Variants in SERPINF1 observed in about 807,000 individuals in gnomAD.
SERPINF1 encodes pigment epithelium-derived factor.
In SERPINF1, 29 loss-of-function variants were observed where a neutral mutation model predicts 37.3. The observed-to-expected ratio is 0.78, with a 90% CI of 0.58 to 1.06. SERPINF1 has a LOEUF of 1.06. Ranked by LOEUF, SERPINF1 falls within the 50% of genes least tolerant of loss-of-function variation. SERPINF1 has a pLI of 0.00. For missense variants in SERPINF1, 553 were observed against 532.2 expected, an observed-to-expected ratio of 1.04 and a Z score of -0.38; for synonymous variants, 281 against 227.9, an observed-to-expected ratio of 1.23 and a Z score of -2.10.
rs752352167 is a variant in SERPINF1 at position 1,771,136 on chromosome 17, G to A, written c.391G>A (p.Ala131Thr). The stretch of plus-strand genomic sequence containing the variant: ...TAAGGAGCTCCTTGACACGGTCACT[G>A]CCCCCCAGAAGAACCTCAAGAGTGC... ...TYKELLDTVT[A>T]PQKNLKSASR... The change falls in exon 4 of 8, where the codon GCC (alanine) becomes ACC (threonine). Residue 131 changes from alanine (A) to threonine (T), a missense_variant. Coordinates refer to ENST00000254722, the MANE Select transcript of SERPINF1 (RefSeq NM_002615.7). 12 of 1,613,886 alleles carry A rather than the reference G, an allele frequency of 7.4e-6. No homozygotes were observed. Among genetic ancestry groups the A allele is most frequent in the Admixed American group, 5.0e-5 (3 of 59,980 alleles).
chr17:1,775,005 C>T, intron 5 of SERPINF1, 53 bp from the exon 6 acceptor site: 1 of 1,612,478 alleles, frequency 6.2e-7, no homozygotes, highest in Non-Finnish European at 8.5e-7. Context: ...AGCATGGCGC[C>T]ACTGTCTTTC....
chr17:1,772,386 GAT>G (rs1383784313), intron 5 of SERPINF1, among the ~76,000 whole-genome samples: 2 of 152,000 alleles, frequency 1.3e-5, no homozygotes, highest in Non-Finnish European at 2.9e-5. Flanking sequence ...AAAGTGCTAG[GAT>G]TACAAGCTTG....
chr17:1,774,980 G>C, intron 5 of SERPINF1, 78 bp from the exon 6 acceptor site: 1 of 1,592,858 alleles, frequency 6.3e-7, no homozygotes, highest in South Asian at 1.1e-5. Context: ...TTTCAACAAC[G>C]TGCTCTGGGG....
intron 2 of SERPINF1, among the ~76,000 whole-genome samples, chr17:1,768,435 A>AAAT (rs1907521730): frequency 6.6e-6 from 1 of 151,030 alleles, no homozygotes; most frequent in African/African-American, 2.4e-5. Context: ...CGTCTCAAAA[A>AAAT]AAAAAAAAAA....
rs1908048581 is a variant in SERPINF1 at position 1,776,645 on chromosome 17, C to T, written c.900C>T (p.Asp300=). ...EESLTSEFIH[D]IDRELKTVQA... Reference sequence around the variant, plus strand: ...GCCTCACCTCCGAGTTCATTCATGACATAGACCGAGAACTGAAGACCGTGC... The same window carrying T: ...GCCTCACCTCCGAGTTCATTCATGATATAGACCGAGAACTGAAGACCGTGC... The change falls in exon 7 of 8, where the codon GAC becomes GAT. Residue 300 remains aspartate (D), a synonymous_variant. Coordinates refer to ENST00000254722, the MANE Select transcript of SERPINF1 (RefSeq NM_002615.7). The T allele has an allele frequency of 1.2e-6, 2 of 1,614,030 alleles. No homozygotes were observed. Among genetic ancestry groups the T allele is most frequent in the Non-Finnish European group, 1.7e-6 (2 of 1,180,012 alleles).
At position 1,772,002 on chromosome 17, in the gene SERPINF1, G is replaced by A; in HGVS notation, c.570G>A (p.Gly190=). ...INNWVQAQMK[G]KLARSTKEIP... ...ACTGGGTGCAGGCGCAGATGAAAGG[G>A]AAGCTCGCCAGGTCCACAAAGGAAA... Residue 190 remains glycine, a synonymous_variant, in exon 5 of 8, where the codon GGG becomes GGA. Transcript: ENST00000254722. 6.2e-7 allele frequency: 1 copy of A among 1,613,938 alleles called. No homozygotes were observed. Among genetic ancestry groups the A allele is most frequent in the East Asian group, 2.2e-5 (1 of 44,852 alleles).
chr17:1,777,090 C>A, intron 7 of SERPINF1, 97 bp from the exon 8 acceptor site: 1 of 1,589,718 alleles, frequency 6.3e-7, no homozygotes, highest in Non-Finnish European at 8.6e-7. Flanking sequence ...AGAAAGTCAA[C>A]AGTGCTGCGC....
intron 1 of SERPINF1, among the ~76,000 whole-genome samples, chr17:1,764,688 G>A (rs1158740577): frequency 6.6e-6 from 1 of 152,158 alleles, no homozygotes; most frequent in African/African-American, 2.4e-5. Context: ...ATCACACAAC[G>A]TCCTCCCAAA....
intron 5 of SERPINF1, 97 bp from the exon 6 acceptor site, chr17:1,774,961 T>A: frequency 6.6e-7 from 1 of 1,508,748 alleles, no homozygotes; most frequent in Non-Finnish European, 9.2e-7. Context: ...CTCCCTTGAG[T>A]GGGGCAATTT....
At position 1,772,825 on chromosome 17, in the gene SERPINF1, C is replaced by T. The variant is rs183372566; in HGVS notation, c.643+750C>T. Among the ~76,000 whole-genome samples the T allele has an allele frequency of 1.2e-4, 18 of 151,992 alleles. No individual in the cohort carries two copies. In the East Asian group the frequency reaches 2.5e-3, roughly 21 times the overall value. On this transcript the variant is annotated intron_variant, in intron 5 of 7. Transcript: ENST00000254722. The stretch of plus-strand genomic sequence containing the variant: ...CCTCCCAAAGTGCTGGGATTACAGG[C>T]GTGAGCCACTGCGCCCGGCCCTTTT...
At chr17:1,762,505 G>A (rs975009776) in intron 1 of SERPINF1, among the ~76,000 whole-genome samples, 5 of 152,206 alleles carry the variant, frequency 3.3e-5, no homozygotes, top group African/African-American at 1.2e-4. Flanking sequence ...CACGGGAGCT[G>A]CTTCCACCAA....
intron 5 of SERPINF1, 143 bp from the exon 6 acceptor site, chr17:1,774,915 C>G (rs1000648758): frequency 8.4e-6 from 8 of 954,932 alleles, no homozygotes; most frequent in Non-Finnish European, 1.3e-5. Flanking sequence ...TGAGATAGGC[C>G]TATTCCCTGA....
chr17:1,775,320 T>C lies in SERPINF1; in HGVS notation c.786+120T>C, dbSNP rs1907965344. The C allele has an allele frequency of 5.8e-6, 6 of 1,038,126 alleles. No homozygotes were observed. The Admixed American group carries it at 9.7e-5, about 17-fold the overall frequency. The allele number at this position is 1,038,126 out of a possible 1,614,324, so 64.3% of individuals were successfully genotyped here. A position where few individuals can be genotyped will look rare whatever the true frequency, so the allele number is the denominator to read the frequency against. On this transcript the variant is annotated intron_variant, in intron 6 of 7. Coordinates refer to ENST00000254722, the MANE Select transcript of SERPINF1 (RefSeq NM_002615.7). ...ACAGCTGTCTACATGTCGCCTGCTG[T>C]GTGACTTTGAGCAGGTTAATAACAT...
rs552555760 is a variant in SERPINF1, at chr17:1,764,104, C to T, written c.-9+1991C>T. ...GACTGAGGCAGGAGAATTGCTTGAA[C>T]CCGGGAGGTGGAAGTTGCACTGAGC... is the stretch of plus-strand genomic sequence containing the variant. On this transcript the variant is annotated intron_variant, in intron 1 of 7. Transcript: ENST00000254722. Among the ~76,000 whole-genome samples the T allele has an allele frequency of 2.6e-5, 4 of 152,318 alleles. No homozygotes were observed. In the East Asian group the frequency reaches 7.7e-4, roughly 29 times the overall value.
At chr17:1,768,259 G>A (rs1286071277) in intron 2 of SERPINF1, among the ~76,000 whole-genome samples, 2 of 151,780 alleles carry the variant, frequency 1.3e-5, no homozygotes, top group African/African-American at 4.8e-5. Context: ...GTGAAACCCC[G>A]TCTCTACTAA....
intron 5 of SERPINF1, among the ~76,000 whole-genome samples, chr17:1,772,311 T>C (rs1907798503): frequency 1.3e-5 from 2 of 151,908 alleles, no homozygotes; most frequent in Admixed American, 1.3e-4. Context: ...ACATGGGGTT[T>C]CACCATGTTG....
At chr17:1,762,920 G>C (rs1394506026) in intron 1 of SERPINF1, 1 of 152,284 alleles carries the variant, frequency 6.6e-6, no homozygotes, top group East Asian at 1.9e-4. Flanking sequence ...CCCCGCCCCT[G>C]TCCAGCCTAG....
chr17:1,767,394 G>C lies in SERPINF1; in HGVS notation c.84+400G>C, dbSNP rs563641752. Among the ~76,000 whole-genome samples the C allele has an allele frequency of 1.6e-3, 244 of 152,178 alleles. 2 individuals are homozygous for C. The highest frequency in any genetic ancestry group is 5.6e-3 in the African/African-American group (231 of 41,526). ...CGACCTCAAGTGATTCTCCTGCCTC[G>C]GCCTCCCAAAGTGCCGGGATGACAG... On this transcript the variant is annotated intron_variant, in intron 2 of 7. Transcript: ENST00000254722.
Position 1,767,009 on chromosome 17 carries a change from G to A in SERPINF1, c.84+15G>A, listed in dbSNP as rs775909358. 1.4e-5 allele frequency: 21 copies of A among 1,548,014 alleles called. No individual in the cohort carries two copies. The highest frequency in any genetic ancestry group is 8.3e-5 in the South Asian group (7 of 83,886). ...CCCCGGAGGAGGTCAGTAGGCAGGC[G>A]GGGAGGGCGTGGTCAGCATTCCCCG... On this transcript the variant is annotated intron_variant, in intron 2 of 7. Coordinates refer to ENST00000254722, the MANE Select transcript of SERPINF1 (RefSeq NM_002615.7).
Sources: gnomAD v4.1 joint callset for allele counts (sites outside exome capture counted in the v4.1 genomes callset) on GRCh38, gnomAD v4.1.1 for gene constraint, MANE v1.5 for transcripts, NCBI Gene and HGNC (gene_info 2026-07-23, HGNC 2026-07-21) for gene names.